OR7A10: variants seen among roughly 807,000 people sequenced by gnomAD.
OR7A10 encodes the protein olfactory receptor family 7 subfamily A member 10, also known as olfactory receptor 7A10.
For missense variants in OR7A10, 358 were observed against 370.1 expected, an observed-to-expected ratio of 0.97 and a Z score of 0.27; for synonymous variants, 144 against 144.5, an observed-to-expected ratio of 1.00 and a Z score of 0.02.
chr19:14,840,983 C>G lies in OR7A10; in HGVS notation c.895G>C (p.Gly299Arg). ...IYSLRNKHIKGAMKTFFRGKQ is the reference protein window; with the variant it reads ...IYSLRNKHIKRAMKTFFRGKQ ...CCTCTGAAGAATGTTTTCATAGCAC[C>G]CTTTATGTGTTTATTCCTCAGACTG... The change falls in exon 2 of 2, where the codon GGT (glycine) becomes CGT (arginine). Residue 299 changes from glycine (G) to arginine (R), a missense_variant. Gly to Arg is a moderately radical substitution (Grantham distance 125, BLOSUM62 -2). Transcript: ENST00000641129. 6.2e-7 allele frequency: 1 copy of G among 1,613,084 alleles called. No individual in the cohort carries two copies. Among genetic ancestry groups the G allele is most frequent in the Non-Finnish European group, 8.5e-7 (1 of 1,179,674 alleles).
Position 14,841,391 on chromosome 19 carries a change from C to G in OR7A10, c.487G>C (p.Val163Leu). The change falls in exon 2 of 2, where the codon GTG (valine) becomes CTG (leucine). Residue 163 changes from valine to leucine, a missense_variant. Val to Leu is a conservative substitution (Grantham distance 32). Transcript: ENST00000641129. ...TGTGTACAAAAGGGCAGTGGCAACA[C>G]CATTAAGCTTTGTAACATGGAATTC... ...VLNSMLQSLM[V>L]LPLPFCTHME... 1 of 1,614,040 alleles carries G rather than the reference C, an allele frequency of 6.2e-7. No individual in the cohort carries two copies. The highest frequency in any genetic ancestry group is 8.5e-7 in the Non-Finnish European group (1 of 1,179,996).
Position 14,845,040 on chromosome 19 carries a change from G to A in OR7A10, c.-12-3151C>T, listed in dbSNP as rs77995407. ...TTCTTTTTCTCTGAAAATTCCTCTC[G>A]CCCTAGAGGTGCACACACACACACA... is the stretch of plus-strand genomic sequence containing the variant. On this transcript the variant is annotated intron_variant, in intron 1 of 1. Transcript: ENST00000641129. 5.5e-3 allele frequency among the ~76,000 whole-genome samples: 810 copies of A among 147,952 alleles called. 8 individuals carry two copies. The highest frequency in any genetic ancestry group is 0.019 in the African/African-American group (758 of 39,742).
At chr19:14,847,026 C>T (rs1236770115) in intron 1 of OR7A10, among the ~76,000 whole-genome samples, 5 of 152,170 alleles carry the variant, frequency 3.3e-5, no homozygotes, top group Non-Finnish European at 5.9e-5. Context: ...TGCACACTGT[C>T]CTCTCAAATA....
At position 14,841,508 on chromosome 19, in the gene OR7A10, C is replaced by G; in HGVS notation, c.370G>C (p.Val124Leu). 6.2e-7 allele frequency: 1 copy of G among 1,614,134 alleles called. No individual in the cohort carries two copies. The highest frequency in any genetic ancestry group is 8.5e-7 in the Non-Finnish European group (1 of 1,180,018). Residue 124 changes from valine to leucine, a missense_variant, in exon 2 of 2, where the codon GTG (valine) becomes CTG (leucine). Coordinates refer to ENST00000641129, the MANE Select transcript of OR7A10 (RefSeq NM_001005190.2). ...TAGTGCAGAGGGTGACAGATGGCCA[C>G]AAACCGGTCATAGGCCATCACGGTC... ...LLTVMAYDRFVAICHPLHYMV... is the reference protein window; with the variant it reads ...LLTVMAYDRFLAICHPLHYMV...
rs1303595607 is a variant in OR7A10 at position 14,841,883 on chromosome 19, G to C, written c.-6C>G. The C allele has an allele frequency of 6.4e-7, 1 of 1,566,570 alleles. No homozygotes were observed. The highest frequency in any genetic ancestry group is 8.7e-7 in the Non-Finnish European group (1 of 1,146,462). ...GTATTGTTCCATGATTTCATCTTGT[G>C]ATGTGACTACCAGAGAGAGAGAGAG... On this transcript the variant is annotated 5_prime_UTR_variant, in exon 2 of 2. In the 5' UTR this introduces an upstream ATG that the reference lacks. Transcript: ENST00000641129.
Position 14,840,727 on chromosome 19 carries a change from T to C in OR7A10, c.*221A>G. On this transcript the variant is annotated 3_prime_UTR_variant, in exon 2 of 2. Transcript: ENST00000641129. ...AAACAAATATTCCATAGTTATTTCA[T>C]GTATGATTGAAAATTATATTCCGTC... The C allele has an allele frequency of 2.3e-6, 1 of 428,946 alleles. No individual in the cohort carries two copies. Among genetic ancestry groups the C allele is most frequent in the Non-Finnish European group, 4.1e-6 (1 of 241,936 alleles). The allele number at this position is 428,946 out of a possible 1,614,324, so 26.6% of individuals were successfully genotyped here.
intron 1 of OR7A10, among the ~76,000 whole-genome samples, chr19:14,845,816 A>G (rs931444335): frequency 2.0e-5 from 3 of 152,222 alleles, no homozygotes; most frequent in African/African-American, 7.2e-5. Context: ...TTACAGGGTG[A>G]AAGCCAAATA....
intron 1 of OR7A10, among the ~76,000 whole-genome samples, chr19:14,843,042 G>C (rs1486831960): frequency 6.6e-6 from 1 of 152,112 alleles, no homozygotes; most frequent in African/African-American, 2.4e-5. Flanking sequence ...AGACACTTCA[G>C]GAAAAGACAT....
chr19:14,843,612 G>A (rs543155574), intron 1 of OR7A10, among the ~76,000 whole-genome samples: 10 of 152,162 alleles, frequency 6.6e-5, no homozygotes, highest in Non-Finnish European at 1.5e-4. Context: ...GTCCCCGTTA[G>A]GAGATCCCCT....
At chr19:14,843,809 G>A (rs2044927032) in intron 1 of OR7A10, among the ~76,000 whole-genome samples, 1 of 152,122 alleles carries the variant, frequency 6.6e-6, no homozygotes, top group Non-Finnish European at 1.5e-5. Flanking sequence ...TGCTGAGAAT[G>A]GAACAGAAAA....
intron 1 of OR7A10, among the ~76,000 whole-genome samples, chr19:14,842,169 C>T (rs2044918219): frequency 6.6e-6 from 1 of 152,060 alleles, no homozygotes; most frequent in Non-Finnish European, 1.5e-5. Context: ...ATTTCAATAC[C>T]CAGTAATAAC....
At chr19:14,843,915 G>A (rs1279584952) in intron 1 of OR7A10, among the ~76,000 whole-genome samples, 1 of 152,128 alleles carries the variant, frequency 6.6e-6, no homozygotes, top group Non-Finnish European at 1.5e-5. Context: ...ACTGTCGGGG[G>A]TACGGGATAA....
In OR7A10 at chr19:14,841,702, A is replaced by C; in HGVS notation, c.176T>G (p.Met59Arg). 2 of 1,614,196 alleles carry C rather than the reference A, an allele frequency of 1.2e-6. No homozygotes were observed. The highest frequency in any genetic ancestry group is 1.7e-6 in the Non-Finnish European group (2 of 1,180,030). The change falls in exon 2 of 2, where the codon ATG (methionine) becomes AGG (arginine). Residue 59 changes from methionine (M) to arginine (R), a missense_variant. Coordinates refer to ENST00000641129, the MANE Select transcript of OR7A10 (RefSeq NM_001005190.2). ...GGACAGGTTGGAGAGGAAGAAGTAC[A>C]TGGGGGTGTGGAGGTGGGAGTCTGA... Reference protein sequence around the residue: ...TISDSHLHTPMYFFLSNLSFV... With the variant: ...TISDSHLHTPRYFFLSNLSFV...
In OR7A10 at chr19:14,840,911, C is replaced by T; in HGVS notation, c.*37G>A. ...CCATTTCTGGCTCTGGGGCTTAGAGCTCTGAAGTCACAGGCCTTTCTTGAA... is the reference window on the plus strand; with the variant it reads ...CCATTTCTGGCTCTGGGGCTTAGAGTTCTGAAGTCACAGGCCTTTCTTGAA... On this transcript the variant is annotated 3_prime_UTR_variant, in exon 2 of 2. Transcript: ENST00000641129. 6.9e-7 allele frequency: 1 copy of T among 1,454,476 alleles called. No individual in the cohort carries two copies. Among genetic ancestry groups the T allele is most frequent in the Non-Finnish European group, 9.4e-7 (1 of 1,058,596 alleles). The allele number at this position is 1,454,476 out of a possible 1,614,324, so 90.1% of individuals were successfully genotyped here. A position where few individuals can be genotyped will look rare whatever the true frequency, so the allele number is the denominator to read the frequency against.
chr19:14,844,664 G>GTTTTTTGTTTTTTTTTTTTTTTTTTT (rs1555697160), intron 1 of OR7A10, among the ~76,000 whole-genome samples: 3 of 97,660 alleles, frequency 3.1e-5, no homozygotes, highest in Non-Finnish European at 4.0e-5. Context: ...TGAGTTCTGT[G>GTTTTTTGTTTTTTTTTTTTTTTTTTT]TTTTTTTTTT....
intron 1 of OR7A10, among the ~76,000 whole-genome samples, chr19:14,845,336 G>T (rs748271988): frequency 6.6e-6 from 1 of 151,696 alleles, no homozygotes; most frequent in Non-Finnish European, 1.5e-5. Flanking sequence ...TTAGCTGGGC[G>T]TGGTGGTGGG....
chr19:14,841,855 A>G lies in OR7A10; in HGVS notation c.23T>C (p.Ile8Thr). The G allele has an allele frequency of 6.2e-7, 1 of 1,608,604 alleles. No homozygotes were observed. Among genetic ancestry groups the G allele is most frequent in the Non-Finnish European group, 8.5e-7 (1 of 1,176,074 alleles). Residue 8 changes from isoleucine (I) to threonine (T), a missense_variant, in exon 2 of 2, where the codon ATA (isoleucine) becomes ACA (threonine). Physicochemically the swap from Ile to Thr is moderately conservative, Grantham distance 89 (BLOSUM62 -1). Coordinates refer to ENST00000641129, the MANE Select transcript of OR7A10 (RefSeq NM_001005190.2). ...TCCCAGGAGAAGAAATTCTAAAATTATTGTATTGTTCCATGATTTCATCTT... is the reference window on the plus strand; with the variant it reads ...TCCCAGGAGAAGAAATTCTAAAATTGTTGTATTGTTCCATGATTTCATCTT... The part of the protein sequence containing the change: MKSWNNT[I>T]ILEFLLLGIS...
intron 1 of OR7A10, among the ~76,000 whole-genome samples, chr19:14,844,125 TAC>T (rs1387782987): frequency 6.6e-6 from 1 of 152,014 alleles, no homozygotes; most frequent in African/African-American, 2.4e-5. Flanking sequence ...ACAGAGAAAA[TAC>T]AAGTAAATTT....
At chr19:14,844,400 C>A (rs1363045434) in intron 1 of OR7A10, among the ~76,000 whole-genome samples, 2 of 152,126 alleles carry the variant, frequency 1.3e-5, no homozygotes, top group South Asian at 2.1e-4. Flanking sequence ...CAATGAAAGA[C>A]GCTGAGGAAT....
Sources: allele counts gnomAD v4.1 joint callset (sites outside exome capture counted in the v4.1 genomes callset), GRCh38; gene constraint gnomAD v4.1.1; transcripts MANE v1.5; gene names NCBI Gene and HGNC (gene_info 2026-07-23, HGNC 2026-07-21).